The following ARHGAP21 variants were observed in gnomAD, a reference collection of about 807,000 sequenced individuals.
ARHGAP21 encodes Rho GTPase activating protein 21.
In ARHGAP21, 38 loss-of-function variants were observed where a neutral mutation model predicts 164.6. The observed-to-expected ratio is 0.23, with a 90% CI of 0.18 to 0.30. ARHGAP21 has a LOEUF of 0.30. Ranked by LOEUF, ARHGAP21 falls within the 10% of genes least tolerant of loss-of-function variation. ARHGAP21 has a pLI of 1.00. For synonymous variants in ARHGAP21, 766 were observed against 857.9 expected, an observed-to-expected ratio of 0.89 and a Z score of 1.87; for missense variants, 1,822 against 2,370.7, an observed-to-expected ratio of 0.77 and a Z score of 4.81.
intron 7 of ARHGAP21, among the ~76,000 whole-genome samples, chr10:24,627,365 A>C (rs181886517): frequency 2.2e-4 from 34 of 152,358 alleles, no homozygotes; most frequent in Admixed American, 2.1e-3. Context: ...CTTCTGAAGT[A>C]CATTAAAGAA....
At chr10:24,701,095 C>G (rs1290922787) in intron 2 of ARHGAP21, among the ~76,000 whole-genome samples, 2 of 152,010 alleles carry the variant, frequency 1.3e-5, no homozygotes, top group Admixed American at 1.3e-4. Context: ...CTCTAAGGAA[C>G]AGAGAACTAG....
chr10:24,594,074 A>C (rs957192722), intron 21 of ARHGAP21, among the ~76,000 whole-genome samples: 4 of 152,202 alleles, frequency 2.6e-5, no homozygotes, highest in Admixed American at 1.3e-4. Flanking sequence ...CCTTAAGGAA[A>C]AATCACTCAG....
intron 13 of ARHGAP21, among the ~76,000 whole-genome samples, chr10:24,601,573 G>T (rs1554965515): frequency 1.3e-5 from 2 of 151,986 alleles, no homozygotes; most frequent in Non-Finnish European, 2.9e-5. Context: ...AAAATAAAAT[G>T]AAACAAAGTT....
chr10:24,640,516 G>T (rs755895970), intron 4 of ARHGAP21, among the ~76,000 whole-genome samples: 1 of 151,996 alleles, frequency 6.6e-6, no homozygotes, highest in Non-Finnish European at 1.5e-5. Context: ...CTGTTGAAAT[G>T]AGACTATGCT....
chr10:24,610,631 G>C (rs1373152077), intron 9 of ARHGAP21, among the ~76,000 whole-genome samples: 1 of 152,162 alleles, frequency 6.6e-6, no homozygotes, highest in Admixed American at 6.5e-5. Flanking sequence ...CAAATGGAGA[G>C]TATTTCAAAT....
Position 24,635,532 on chromosome 10 carries a change from TTTTTG to T in ARHGAP21, c.269-434_269-430del, listed in dbSNP as rs533850946. Among the ~76,000 whole-genome samples, 966 of 152,150 alleles carry T rather than the reference TTTTTG, an allele frequency of 6.3e-3. 10 individuals are homozygous for T. Among genetic ancestry groups the T allele is most frequent in the African/African-American group, 0.021 (891 of 41,524 alleles). On this transcript the variant is annotated intron_variant, in intron 4 of 25. Coordinates refer to ENST00000396432, the MANE Select transcript of ARHGAP21 (RefSeq NM_020824.4). The stretch of plus-strand genomic sequence containing the variant: ...GCGGTACTCACTCCATGGCTTTTGT[TTTTTG>T]TTTTGTTTTGTTTTGTTTTGTTTTT...
In ARHGAP21 at chr10:24,596,886, T is replaced by C. The variant is rs1284733992; in HGVS notation, c.3335-4A>G. 1.3e-6 allele frequency: 2 copies of C among 1,592,568 alleles called. No homozygotes were observed. Among genetic ancestry groups the C allele is most frequent in the East Asian group, 2.3e-5 (1 of 44,266 alleles). ...TCTTTTGGGGGACTGGTATCATCTT[T>C]TGATTGCCAGTCAAAATAAAACAAC... On this transcript the variant is annotated splice_polypyrimidine_tract_variant and splice_region_variant and intron_variant, in intron 16 of 25. Coordinates refer to ENST00000396432, the MANE Select transcript of ARHGAP21 (RefSeq NM_020824.4).
chr10:24,633,072 C>T (rs1032389401), intron 6 of ARHGAP21, among the ~76,000 whole-genome samples: 1 of 152,138 alleles, frequency 6.6e-6, no homozygotes, highest in Non-Finnish European at 1.5e-5. Context: ...TTAAAATAAA[C>T]TATATATGCA....
At chr10:24,598,120 T>A (rs1007875303) in intron 14 of ARHGAP21, 111 bp from the exon 15 acceptor site, 1 of 780,472 alleles carries the variant, frequency 1.3e-6, no homozygotes, top group African/African-American at 1.7e-5. Flanking sequence ...AACACTACTA[T>A]CATCTGTTCT....
At position 24,620,409 on chromosome 10, in the gene ARHGAP21, A is replaced by T. The variant is rs930458846; in HGVS notation, c.1486T>A (p.Trp496Arg). The T allele has an allele frequency of 6.2e-7, 1 of 1,612,110 alleles. No homozygotes were observed. The highest frequency in any genetic ancestry group is 8.5e-7 in the Non-Finnish European group (1 of 1,178,964). ...TCATCCTGTCCCTCAATATAATCCC[A>T]TGAACGAGTTCTATGATTACTAAAA... is the stretch of plus-strand genomic sequence containing the variant. Reference protein sequence around the residue: ...VSFSNHRTRSWDYIEGQDETL... With the variant: ...VSFSNHRTRSRDYIEGQDETL... Residue 496 changes from tryptophan (W) to arginine (R), a missense_variant, in exon 9 of 26, where the codon TGG becomes AGG. Physicochemically the swap from Trp to Arg is moderately radical, Grantham distance 101 (BLOSUM62 -3). Transcript: ENST00000396432.
At chr10:24,598,194 C>T (rs2076663964) in intron 14 of ARHGAP21, among the ~76,000 whole-genome samples, 185 bp from the exon 15 acceptor site, 1 of 152,126 alleles carries the variant, frequency 6.6e-6, no homozygotes. Flanking sequence ...AAGTGCCTCC[C>T]AACATTGCCA....
intron 11 of ARHGAP21, chr10:24,605,797 AAAAT>A (rs1422528886): frequency 1.4e-5 from 2 of 145,446 alleles, no homozygotes; most frequent in Non-Finnish European, 3.1e-5. Context: ...TTCAAATACT[AAAAT>A]AAAAATAGCC....
At chr10:24,695,566 C>CAAA (rs34010661) in intron 2 of ARHGAP21, among the ~76,000 whole-genome samples, 1,797 of 127,952 alleles carry the variant, frequency 0.014, 27 homozygotes, top group African/African-American at 0.052. Flanking sequence ...GAGACTGCGT[C>CAAA]AAAAAAAAAA....
rs1025951760 is a variant in ARHGAP21 at position 24,696,189 on chromosome 10, G to A, written c.63+25648C>T. ...GACACAAACAGTGGGCCCTATGGGC[G>A]CCCTAGCTTACTACACAGAAAGTTT... On this transcript the variant is annotated intron_variant, in intron 2 of 25. Coordinates refer to ENST00000396432, the MANE Select transcript of ARHGAP21 (RefSeq NM_020824.4). Among the ~76,000 whole-genome samples the A allele has an allele frequency of 5.9e-5, 9 of 152,170 alleles. No homozygotes were observed. The East Asian group carries it at 1.4e-3, about 23-fold the overall frequency.
chr10:24,654,876 A>G (rs1466098563), intron 4 of ARHGAP21, among the ~76,000 whole-genome samples: 1 of 152,246 alleles, frequency 6.6e-6, no homozygotes, highest in Non-Finnish European at 1.5e-5. Flanking sequence ...ACTATACTAC[A>G]AGGCTACAGT....
At chr10:24,633,883 CTTTTTTTT>C (rs3073324) in intron 5 of ARHGAP21, among the ~76,000 whole-genome samples, 110 of 75,492 alleles carry the variant, frequency 1.5e-3, no homozygotes, top group African/African-American at 5.0e-3. Flanking sequence ...CTTTTTTTCT[CTTTTTTTT>C]TTTTTTTTTT....
rs754482786 is a variant in ARHGAP21 at position 24,585,730 on chromosome 10, C to A, written c.4559G>T (p.Arg1520Leu). The A allele has an allele frequency of 1.2e-6, 2 of 1,613,868 alleles. No individual in the cohort carries two copies. Among genetic ancestry groups the A allele is most frequent in the Admixed American group, 1.7e-5 (1 of 59,980 alleles). The change falls in exon 26 of 26, where the codon CGC (arginine) becomes CTC (leucine). Residue 1520 changes from arginine (R) to leucine (L), a missense_variant. This residue lies in a region of ARHGAP21 where 333 missense variants were observed against 383.9 expected (regional missense o/e 0.87). Transcript: ENST00000396432. ...KHNKSPTLSC[R>L]FAILKESPRS... ...GGGGCTCTCTTTCAGGATGGCAAAGCGACAGCTGAGAGTTGGTGACTTGTT... is the reference window on the plus strand; with the variant it reads ...GGGGCTCTCTTTCAGGATGGCAAAGAGACAGCTGAGAGTTGGTGACTTGTT...
At chr10:24,624,854 A>C (rs1442676036) in intron 7 of ARHGAP21, among the ~76,000 whole-genome samples, 2 of 152,100 alleles carry the variant, frequency 1.3e-5, no homozygotes, top group African/African-American at 4.8e-5. Context: ...TGTGAATTCA[A>C]CAGAATATGA....
chr10:24,598,753 C>T (rs891272467), intron 14 of ARHGAP21, among the ~76,000 whole-genome samples: 7 of 152,004 alleles, frequency 4.6e-5, no homozygotes, highest in Middle Eastern at 6.3e-3. Context: ...TCTTTAAATA[C>T]GGGAGTAAGT....
Sources: gnomAD v4.1 joint callset for allele counts (sites outside exome capture counted in the v4.1 genomes callset) on GRCh38, gnomAD v4.1.1 for gene constraint, gnomAD v4.1.1 regional missense constraint, MANE v1.5 for transcripts, NCBI Gene and HGNC (gene_info 2026-07-23, HGNC 2026-07-21) for gene names.